Variants in KIRREL3 observed in about 807,000 individuals in gnomAD.
The protein encoded by KIRREL3 is kirre like nephrin family adhesion molecule 3.
Under a neutral mutation model 89.7 loss-of-function variants are expected in KIRREL3, and 36 were observed. That is an observed-to-expected ratio of 0.40 (90% CI 0.31 to 0.53). The LOEUF is 0.53. Among genes scored for constraint, KIRREL3 ranks in the 20% least tolerant of loss-of-function variants. KIRREL3 has a pLI of 0.49. For missense variants in KIRREL3, 864 were observed against 1,056.6 expected (o/e 0.82, Z 2.53); for synonymous variants, 445 against 441.4 (o/e 1.01, Z -0.10).
In KIRREL3 at chr11:126,981,316, C is replaced by T. The variant is rs1425098043; in HGVS notation, c.55+19139G>A. The stretch of plus-strand genomic sequence containing the variant: ...CTACAGATGTTACTGCTGATGGCTG[C>T]AGTGACCAGTATCAAGTGATTTCTT... On this transcript the variant is annotated intron_variant, in intron 1 of 16. Coordinates refer to ENST00000525144, the MANE Select transcript of KIRREL3 (RefSeq NM_032531.4). The surrounding 1 kb of genome is among the most constrained non-coding windows in gnomAD (Gnocchi z 4.2). 1.3e-5 allele frequency among the ~76,000 whole-genome samples: 2 copies of T among 152,184 alleles called. No individual in the cohort carries two copies. The highest frequency in any genetic ancestry group is 2.9e-5 in the Non-Finnish European group (2 of 68,034).
chr11:126,454,075 T>A lies in KIRREL3; in HGVS notation c.848+2274A>T, dbSNP rs1490006353. 6.9e-6 allele frequency among the ~76,000 whole-genome samples: 1 copy of A among 145,768 alleles called. No homozygotes were observed. The highest frequency in any genetic ancestry group is 2.5e-5 in the African/African-American group (1 of 40,538). Reference sequence around the variant, plus strand: ...CAGAAAAGTTGTAAGAATAGTCCCATTAACTGCCACCCTCCCATCGCCCGG... The same window carrying A: ...CAGAAAAGTTGTAAGAATAGTCCCAATAACTGCCACCCTCCCATCGCCCGG... On this transcript the variant is annotated intron_variant, in intron 7 of 16. Coordinates refer to ENST00000525144, the MANE Select transcript of KIRREL3 (RefSeq NM_032531.4). This position sits in a 1 kb window ranked among gnomAD's most constrained non-coding sequence, Gnocchi z 5.8.
At chr11:126,875,110 T>TATAA (rs1475026407) in intron 1 of KIRREL3, among the ~76,000 whole-genome samples, 1 of 152,090 alleles carries the variant, frequency 6.6e-6, no homozygotes, top group Non-Finnish European at 1.5e-5. Context: ...GGCAAGTGTA[T>TATAA]ATCAATCAAT....
rs1248143698 is a variant in KIRREL3 at position 126,526,731 on chromosome 11, A to G, written c.134-44T>C. 3.9e-6 allele frequency: 6 copies of G among 1,531,466 alleles called. No individual in the cohort carries two copies. The Admixed American group carries it at 9.9e-5, about 25-fold the overall frequency. The allele number at this position is 1,531,466 out of a possible 1,614,324, so 94.9% of individuals were successfully genotyped here. A position where few individuals can be genotyped will look rare whatever the true frequency, so the allele number is the denominator to read the frequency against. On this transcript the variant is annotated intron_variant, in intron 2 of 16. Coordinates refer to ENST00000525144, the MANE Select transcript of KIRREL3 (RefSeq NM_032531.4). This position sits in a 1 kb window ranked among gnomAD's most constrained non-coding sequence, Gnocchi z 5.7. ...CAATGGTCAGTTATCTGCCGGCTAC[A>G]GGGGCGAGAAGGCTCCCCTCCAGCT...
chr11:126,775,003 T>A (rs376427588), intron 1 of KIRREL3, among the ~76,000 whole-genome samples: 1 of 152,144 alleles, frequency 6.6e-6, no homozygotes, highest in Non-Finnish European at 1.5e-5. Flanking sequence ...CTAGATGCAG[T>A]CTGTCTTAAG....
intron 4 of KIRREL3, among the ~76,000 whole-genome samples, chr11:126,493,006 G>A (rs1957562278): frequency 6.6e-6 from 1 of 152,234 alleles, no homozygotes; most frequent in South Asian, 2.1e-4. Flanking sequence ...TAACTGACAG[G>A]GGGCAGGAAT....
In KIRREL3 at chr11:126,709,641, C is replaced by T. The variant is rs1471719755; in HGVS notation, c.56-146729G>A. Among the ~76,000 whole-genome samples the T allele has an allele frequency of 6.6e-6, 1 of 152,152 alleles. No homozygotes were observed. Among genetic ancestry groups the T allele is most frequent in the Admixed American group, 6.5e-5 (1 of 15,280 alleles). On this transcript the variant is annotated intron_variant, in intron 1 of 16. Transcript: ENST00000525144. This position sits in a 1 kb window ranked among gnomAD's most constrained non-coding sequence, Gnocchi z 4.0. ...AAGAGAAAATTTGGACACAGAGGTA[C>T]AGAGGGAAGACCATGTGAAGATGAG...
intron 2 of KIRREL3, among the ~76,000 whole-genome samples, chr11:126,534,657 T>C (rs538292397): frequency 8.8e-4 from 134 of 152,308 alleles, no homozygotes; most frequent in African/African-American, 3.1e-3. Context: ...GCGCCATCTG[T>C]CCCGGGGGCC....
rs922407806 is a variant in KIRREL3, at chr11:126,990,928, G to C, written c.55+9527C>G. Among the ~76,000 whole-genome samples, 19 of 152,308 alleles carry C rather than the reference G, an allele frequency of 1.2e-4. No individual in the cohort carries two copies. The highest frequency in any genetic ancestry group is 4.6e-4 in the African/African-American group (19 of 41,568). ...CCCGGATGAACGTGCTAAGCTTCCT[G>C]TGCAATGAACCAACCGGGCCCCAGT... is the stretch of plus-strand genomic sequence containing the variant. On this transcript the variant is annotated intron_variant, in intron 1 of 16. Coordinates refer to ENST00000525144, the MANE Select transcript of KIRREL3 (RefSeq NM_032531.4). This position sits in a 1 kb window ranked among gnomAD's most constrained non-coding sequence, Gnocchi z 6.3.
chr11:126,822,805 C>T (rs546969725), intron 1 of KIRREL3, among the ~76,000 whole-genome samples: 6 of 152,284 alleles, frequency 3.9e-5, no homozygotes, highest in East Asian at 3.9e-4. Context: ...TCTCTCTCCA[C>T]GGCCTCTCCA....
chr11:126,737,910 C>T (rs74451992), intron 1 of KIRREL3, among the ~76,000 whole-genome samples: 4,976 of 152,228 alleles, frequency 0.033, 275 homozygotes, highest in African/African-American at 0.11. Context: ...AAAATATACA[C>T]TAAAATACTG....
At chr11:126,445,630 G>A (rs1052053733) in intron 9 of KIRREL3, among the ~76,000 whole-genome samples, 1 of 152,200 alleles carries the variant, frequency 6.6e-6, no homozygotes, top group Non-Finnish European at 1.5e-5. Context: ...CCCGGCTCCA[G>A]CAGTGAACAC....
intron 1 of KIRREL3, among the ~76,000 whole-genome samples, chr11:126,816,487 TC>T (rs2134439968): frequency 6.6e-6 from 1 of 152,282 alleles, no homozygotes; most frequent in African/African-American, 2.4e-5. Flanking sequence ...CTGCCTCAAT[TC>T]TGAATTATGT....
At chr11:126,835,372 T>C (rs1161979868) in intron 1 of KIRREL3, among the ~76,000 whole-genome samples, 1 of 152,172 alleles carries the variant, frequency 6.6e-6, no homozygotes, top group Non-Finnish European at 1.5e-5. Flanking sequence ...TGAACTTGAA[T>C]GTAGGAAAAG....
chr11:126,857,712 A>G (rs1466691213), intron 1 of KIRREL3, among the ~76,000 whole-genome samples: 1 of 145,598 alleles, frequency 6.9e-6, no homozygotes, highest in Non-Finnish European at 1.5e-5. Context: ...CCGTTTTTCT[A>G]TCACAGACCC....
chr11:126,797,195 G>A lies in KIRREL3; in HGVS notation c.55+203260C>T, dbSNP rs1950839211. On this transcript the variant is annotated intron_variant, in intron 1 of 16. Transcript: ENST00000525144. The surrounding 1 kb of genome is among the most constrained non-coding windows in gnomAD (Gnocchi z 4.9). ...CTGTGTTACTGTGCAGGGAATATGAGCCTAGGCTCTGAATATGGGACCAAT... is the reference window on the plus strand; with the variant it reads ...CTGTGTTACTGTGCAGGGAATATGAACCTAGGCTCTGAATATGGGACCAAT... Among the ~76,000 whole-genome samples, 1 of 152,172 alleles carries A rather than the reference G, an allele frequency of 6.6e-6. No individual in the cohort carries two copies. The highest frequency in any genetic ancestry group is 2.4e-5 in the African/African-American group (1 of 41,438).
Position 126,467,644 on chromosome 11 carries a change from T to TAAA in KIRREL3, c.592-4340_592-4338dup, listed in dbSNP as rs1406869571. On this transcript the variant is annotated intron_variant, in intron 5 of 16. Coordinates refer to ENST00000525144, the MANE Select transcript of KIRREL3 (RefSeq NM_032531.4). ...TGCTGGGTCCCTTTTTTTTTTTTTT[T>TAAA]AAAAAATCATGGCTCTGCTTCCCCT... is the stretch of plus-strand genomic sequence containing the variant. Among the ~76,000 whole-genome samples, 905 of 150,290 alleles carry TAAA rather than the reference T, an allele frequency of 6.0e-3. 15 individuals carry two copies. Among genetic ancestry groups the TAAA allele is most frequent in the African/African-American group, 0.016 (671 of 40,836 alleles).
intron 10 of KIRREL3, among the ~76,000 whole-genome samples, chr11:126,442,803 T>C (rs1198513634): frequency 6.6e-6 from 1 of 152,200 alleles, no homozygotes; most frequent in African/African-American, 2.4e-5. Flanking sequence ...CCTCCAGGTG[T>C]GTGAGGCCAC....
chr11:126,761,223 C>A lies in KIRREL3; in HGVS notation c.56-198311G>T, dbSNP rs963733926. On this transcript the variant is annotated intron_variant, in intron 1 of 16. Coordinates refer to ENST00000525144, the MANE Select transcript of KIRREL3 (RefSeq NM_032531.4). The surrounding 1 kb of genome is among the most constrained non-coding windows in gnomAD (Gnocchi z 4.4). ...GTGTTGGCAGGGACTCGGGACCCTG[C>A]AAGACCCAGTGGGAAAGGAAAGGTG... 6.6e-6 allele frequency among the ~76,000 whole-genome samples: 1 copy of A among 152,202 alleles called. No homozygotes were observed. Among genetic ancestry groups the A allele is most frequent in the Non-Finnish European group, 1.5e-5 (1 of 68,034 alleles).
chr11:126,444,020 C>T (rs902308660), intron 10 of KIRREL3, among the ~76,000 whole-genome samples: 4 of 152,214 alleles, frequency 2.6e-5, no homozygotes, highest in Admixed American at 6.5e-5. Flanking sequence ...TCCGCATTTG[C>T]GTCCTGGTGC....
Sources: gnomAD v4.1 joint callset for allele counts (sites outside exome capture counted in the v4.1 genomes callset) on GRCh38, gnomAD v4.1.1 for gene constraint, Gnocchi (gnomAD v3.1) non-coding constraint, MANE v1.5 for transcripts, NCBI Gene and HGNC (gene_info 2026-07-23, HGNC 2026-07-21) for gene names.